The following HSD17B13 variants were observed in gnomAD, a reference collection of about 807,000 sequenced individuals.
HSD17B13 encodes 17-beta-hydroxysteroid dehydrogenase 13.
In HSD17B13, 26 loss-of-function variants were observed where a neutral mutation model predicts 31.1. The observed-to-expected ratio is 0.84, with a 90% CI of 0.61 to 1.16. The LOEUF (loss-of-function observed/expected upper bound fraction) is 1.16. HSD17B13 is among the 50% of genes most tolerant of loss of function. The pLI is 0.00. For synonymous variants in HSD17B13, 141 were observed against 133.7 expected, an observed-to-expected ratio of 1.05 and a Z score of -0.38; for missense variants, 374 against 366.5, an observed-to-expected ratio of 1.02 and a Z score of -0.17.
intron 4 of HSD17B13, among the ~76,000 whole-genome samples, chr4:87,315,260 A>G (rs1734625659): frequency 6.6e-6 from 1 of 152,202 alleles, no homozygotes. Flanking sequence ...AAAATTCTGT[A>G]ATTGGCTCTT....
At chr4:87,321,157 G>A (rs1357066318) in intron 1 of HSD17B13, among the ~76,000 whole-genome samples, 1 of 152,090 alleles carries the variant, frequency 6.6e-6, no homozygotes, top group Non-Finnish European at 1.5e-5. Flanking sequence ...AGCCTCCCGA[G>A]TAGCTGGGAC....
At position 87,309,892 on chromosome 4, in the gene HSD17B13, G is replaced by A. The variant is rs561768613; in HGVS notation, c.812+351C>T. Among the ~76,000 whole-genome samples, 3 of 152,242 alleles carry A rather than the reference G, an allele frequency of 2.0e-5. No homozygotes were observed. In the South Asian group the frequency reaches 6.2e-4, roughly 32 times the overall value. ...TAGCTCTATTGGGCCAGGCATGGTG[G>A]CTCATGACTGTAATCCCAGCACTTT... On this transcript the variant is annotated intron_variant, in intron 6 of 6. Transcript: ENST00000328546.
In HSD17B13 at chr4:87,318,442, A is replaced by G. The variant is rs776370777; in HGVS notation, c.211-6T>C. The G allele has an allele frequency of 6.2e-7, 1 of 1,612,930 alleles. No homozygotes were observed. ...GCAGTTTCCTCCACACCGCGCTGTA[A>G]TTAGGAAGAAACAAATTCCGAAAAA... On this transcript the variant is annotated splice_region_variant and splice_polypyrimidine_tract_variant and intron_variant, in intron 1 of 6. Coordinates refer to ENST00000328546, the MANE Select transcript of HSD17B13 (RefSeq NM_178135.5).
chr4:87,317,562 ACTTTTTTTT>A (rs1473609513), intron 2 of HSD17B13, among the ~76,000 whole-genome samples: 5 of 61,042 alleles, frequency 8.2e-5, no homozygotes, highest in African/African-American at 3.9e-4. Flanking sequence ...TTTTCTTTAA[ACTTTTTTTT>A]TTTTTTTTTT....
chr4:87,313,154 A>C (rs1578439713), intron 5 of HSD17B13, among the ~76,000 whole-genome samples: 1 of 152,044 alleles, frequency 6.6e-6, no homozygotes, highest in Admixed American at 6.6e-5. Flanking sequence ...GCAGGGAGTG[A>C]TTCCAGCTGC....
At position 87,310,277 on chromosome 4, in the gene HSD17B13, G is replaced by A. The variant is rs62305723; in HGVS notation, c.778C>T (p.Pro260Ser). 90,342 of 1,579,316 alleles carry A rather than the reference G, an allele frequency of 0.057. 2,998 individuals carry two copies. The highest frequency in any genetic ancestry group is 0.064 in the Non-Finnish European group (74,304 of 1,167,170). The change falls in exon 6 of 7, where the codon CCA (proline) becomes TCA (serine). Residue 260 changes from proline (P) to serine (S), a missense_variant. Coordinates refer to ENST00000328546, the MANE Select transcript of HSD17B13 (RefSeq NM_178135.5). ...ILTNKKMIFV[P>S]SYINIFLRLQ... Reference sequence around the variant, plus strand: ...CTCAGAAAGATATTGATATACGATGGAACAAAAATCATTTTCTTATTGGTA... The same window carrying A: ...CTCAGAAAGATATTGATATACGATGAAACAAAAATCATTTTCTTATTGGTA...
chr4:87,315,502 A>G lies in HSD17B13; in HGVS notation c.548T>C (p.Ile183Thr). ...GGCATGTGATACTTACCAATATGGG[A>G]TGAGGTAAGGAATCCCTTCGTGGCC... ...VCGHEGIPYLIPYCSSKFAAV... is the reference protein window; with the variant it reads ...VCGHEGIPYLTPYCSSKFAAV... Residue 183 changes from isoleucine (I) to threonine (T), a missense_variant, in exon 4 of 7, where the codon ATC (isoleucine) becomes ACC (threonine). Coordinates refer to ENST00000328546, the MANE Select transcript of HSD17B13 (RefSeq NM_178135.5). 3.8e-6 allele frequency: 6 copies of G among 1,590,966 alleles called. No individual in the cohort carries two copies. Among genetic ancestry groups the G allele is most frequent in the Non-Finnish European group, 5.2e-6 (6 of 1,160,078 alleles).
At chr4:87,305,570 A>C (rs1176770007) in intron 6 of HSD17B13, among the ~76,000 whole-genome samples, 1 of 152,104 alleles carries the variant, frequency 6.6e-6, no homozygotes, top group East Asian at 1.9e-4. Flanking sequence ...TGAGACAGTA[A>C]AATTATGCCT....
At chr4:87,314,079 G>C in intron 4 of HSD17B13, 119 bp from the exon 5 acceptor site, 1 of 670,304 alleles carries the variant, frequency 1.5e-6, no homozygotes, top group Non-Finnish European at 2.3e-6. Flanking sequence ...TCAGCCACTT[G>C]TGATTTTTCT....
rs935501866 is a variant in HSD17B13, at chr4:87,303,946, A to G, written c.*1272T>C. The G allele has an allele frequency of 6.6e-6, 1 of 152,084 alleles. No individual in the cohort carries two copies. The highest frequency in any genetic ancestry group is 2.4e-5 in the African/African-American group (1 of 41,376). 9.4% of individuals were successfully genotyped at this position (152,084 alleles called of 1,614,324 possible). On this transcript the variant is annotated 3_prime_UTR_variant, in exon 7 of 7. Transcript: ENST00000328546. ...AGGATAGTCCATGCAAAAGCATTCTATAATACATGTGAAAAACACACAAAA... is the reference window on the plus strand; with the variant it reads ...AGGATAGTCCATGCAAAAGCATTCTGTAATACATGTGAAAAACACACAAAA...
chr4:87,308,932 C>A (rs866503132), intron 6 of HSD17B13, among the ~76,000 whole-genome samples: 168 of 126,944 alleles, frequency 1.3e-3, no homozygotes, highest in African/African-American at 1.7e-3. Flanking sequence ...AGGAATCTAC[C>A]AAAAAAAAAA....
intron 1 of HSD17B13, among the ~76,000 whole-genome samples, chr4:87,321,706 T>C (rs1450462771): frequency 6.6e-6 from 1 of 152,118 alleles, no homozygotes; most frequent in Non-Finnish European, 1.5e-5. Flanking sequence ...TATTCTTCAC[T>C]ATTCAGAAAA....
intron 5 of HSD17B13, among the ~76,000 whole-genome samples, chr4:87,311,062 T>G (rs1327306784): frequency 1.3e-5 from 2 of 152,126 alleles, no homozygotes; most frequent in Non-Finnish European, 2.9e-5. Flanking sequence ...CATTATAAGC[T>G]AACTATAATA....
chr4:87,316,267 G>A (rs1734647330), intron 3 of HSD17B13, among the ~76,000 whole-genome samples: 1 of 152,150 alleles, frequency 6.6e-6, no homozygotes, highest in Non-Finnish European at 1.5e-5. Flanking sequence ...AACTGTGAGA[G>A]GATAGTGAAC....
At chr4:87,320,690 T>C (rs911013254) in intron 1 of HSD17B13, among the ~76,000 whole-genome samples, 2 of 152,050 alleles carry the variant, frequency 1.3e-5, no homozygotes, top group Non-Finnish European at 2.9e-5. Context: ...TCCGGCCTAT[T>C]CTTCTGTTTT....
intron 4 of HSD17B13, 127 bp downstream of exon 4, chr4:87,315,366 T>C (rs948886837): frequency 8.7e-6 from 4 of 462,156 alleles, no homozygotes; most frequent in Non-Finnish European, 1.5e-5. Context: ...CTGGCTTTGT[T>C]GGTGAGTTTT....
intron 4 of HSD17B13, among the ~76,000 whole-genome samples, chr4:87,314,582 G>A (rs890607465): frequency 2.6e-5 from 4 of 151,776 alleles, no homozygotes; most frequent in African/African-American, 9.7e-5. Flanking sequence ...GGTGGTGCAT[G>A]GAGTGTGGTA....
intron 5 of HSD17B13, among the ~76,000 whole-genome samples, chr4:87,311,313 C>T (rs368901893): frequency 3.3e-5 from 5 of 152,212 alleles, no homozygotes; most frequent in African/African-American, 9.7e-5. Flanking sequence ...AGTAGCTGTT[C>T]TCTACTCCTT....
rs57491954 is a variant in HSD17B13 at position 87,308,932 on chromosome 4, C to CAAAAAAAA, written c.812+1303_812+1310dup. 2.4e-4 allele frequency among the ~76,000 whole-genome samples: 31 copies of CAAAAAAAA among 127,022 alleles called. 4 individuals are homozygous for CAAAAAAAA. Among genetic ancestry groups the CAAAAAAAA allele is most frequent in the African/African-American group, 8.3e-4 (28 of 33,618 alleles). The allele number at this position is 127,022 out of a possible 152,430, so 83.3% of individuals were successfully genotyped here. A position where few individuals can be genotyped will look rare whatever the true frequency, so the allele number is the denominator to read the frequency against. ...GAAAATTAGAGGCCCAGGAATCTAC[C>CAAAAAAAA]AAAAAAAAAAAAGCTTATCGAGTTT... On this transcript the variant is annotated intron_variant, in intron 6 of 6. Coordinates refer to ENST00000328546, the MANE Select transcript of HSD17B13 (RefSeq NM_178135.5).
Sources: allele counts gnomAD v4.1 joint callset (sites outside exome capture counted in the v4.1 genomes callset), GRCh38; gene constraint gnomAD v4.1.1; transcripts MANE v1.5; gene names NCBI Gene and HGNC (gene_info 2026-07-23, HGNC 2026-07-21).